The following CNTN4 variants were observed in gnomAD, a reference collection of about 807,000 sequenced individuals.
CNTN4 encodes contactin 4.
In CNTN4, 77 loss-of-function variants were observed where a neutral mutation model predicts 122.5. The observed-to-expected ratio is 0.63, with a 90% CI of 0.52 to 0.76. CNTN4 has a LOEUF of 0.76. Ranked by LOEUF, CNTN4 falls within the 30% of genes least tolerant of loss-of-function variation. The pLI, the probability that CNTN4 is intolerant of heterozygous loss-of-function variation, is 0.00. For synonymous variants in CNTN4, 512 were observed against 447.0 expected (o/e 1.15, Z -1.83); for missense variants, 1,256 against 1,259.1 (o/e 1.00, Z 0.04).
At chr3:2,538,836 C>T (rs975293348) in intron 3 of CNTN4, among the ~76,000 whole-genome samples, 4 of 151,848 alleles carry the variant, frequency 2.6e-5, no homozygotes, top group African/African-American at 9.6e-5. Context: ...TTCTAATATA[C>T]ATATATATGC....
rs187060114 is a variant in CNTN4, at chr3:2,747,907, T to C, written c.358+2210T>C. ...CTTTCTTAAAATTGAGCCAAATATC[T>C]CAATTTCTATCACATTCACTCCCAA... On this transcript the variant is annotated intron_variant, in intron 6 of 24. Transcript: ENST00000418658. Among the ~76,000 whole-genome samples, 210 of 152,102 alleles carry C rather than the reference T, an allele frequency of 1.4e-3. 1 individual carries two copies. The highest frequency in any genetic ancestry group is 4.9e-3 in the African/African-American group (202 of 41,352).
chr3:2,671,928 C>A (rs1407178696), intron 4 of CNTN4, among the ~76,000 whole-genome samples: 1 of 152,174 alleles, frequency 6.6e-6, no homozygotes, highest in East Asian at 1.9e-4. Flanking sequence ...TGCTGAACAG[C>A]AAATATTGCT....
At chr3:2,305,678 G>T (rs376320937) in intron 2 of CNTN4, among the ~76,000 whole-genome samples, 2 of 151,968 alleles carry the variant, frequency 1.3e-5, no homozygotes, top group Non-Finnish European at 2.9e-5. Flanking sequence ...TTTAAAGTAC[G>T]CAAGTCAGTG....
At chr3:2,816,508 A>G (rs2092734099) in intron 6 of CNTN4, among the ~76,000 whole-genome samples, 1 of 152,002 alleles carries the variant, frequency 6.6e-6, no homozygotes, top group Non-Finnish European at 1.5e-5. Context: ...GTGCACCAAA[A>G]TCTCACAAAT....
At chr3:2,370,145 A>G (rs1374258766) in intron 3 of CNTN4, among the ~76,000 whole-genome samples, 1 of 152,122 alleles carries the variant, frequency 6.6e-6, no homozygotes, top group Admixed American at 6.6e-5. Flanking sequence ...TAATACACAC[A>G]ACTGAATTCA....
Position 2,316,118 on chromosome 3 carries a change from A to G in CNTN4, c.-144-23060A>G, listed in dbSNP as rs565418648. The stretch of plus-strand genomic sequence containing the variant: ...ATGTGGGTCATCTTTTATGATGAAC[A>G]CAGGTTCTATTTTTATATCATAATC... On this transcript the variant is annotated intron_variant, in intron 2 of 24. Coordinates refer to ENST00000418658, the MANE Select transcript of CNTN4 (RefSeq NM_175607.3). Among the ~76,000 whole-genome samples, 14 of 152,238 alleles carry G rather than the reference A, an allele frequency of 9.2e-5. No individual in the cohort carries two copies. In the East Asian group the frequency reaches 2.5e-3, roughly 27 times the overall value.
intron 2 of CNTN4, among the ~76,000 whole-genome samples, chr3:2,253,495 A>G (rs994682593): frequency 2.8e-4 from 42 of 152,290 alleles, no homozygotes; most frequent in African/African-American, 9.9e-4. Context: ...TTATCCTTTT[A>G]TAAATTCAAC....
At chr3:2,601,515 G>A (rs1388611489) in intron 4 of CNTN4, among the ~76,000 whole-genome samples, 3 of 152,126 alleles carry the variant, frequency 2.0e-5, no homozygotes, top group Non-Finnish European at 4.4e-5. Context: ...GGTTATAGAT[G>A]TGTGGTATTA....
At chr3:2,467,620 A>G (rs538044365) in intron 3 of CNTN4, among the ~76,000 whole-genome samples, 92 of 152,348 alleles carry the variant, frequency 6.0e-4, no homozygotes, top group Non-Finnish European at 9.4e-4. Flanking sequence ...ATAAAACAAT[A>G]TATGTAAAGG....
chr3:2,258,778 T>C (rs1311529783), intron 2 of CNTN4, among the ~76,000 whole-genome samples: 1 of 152,132 alleles, frequency 6.6e-6, no homozygotes, highest in Non-Finnish European at 1.5e-5. Context: ...CTAACCTTTT[T>C]ATATTTTTTT....
chr3:2,749,959 GA>G (rs200598269), intron 6 of CNTN4, among the ~76,000 whole-genome samples: 9 of 150,734 alleles, frequency 6.0e-5, no homozygotes, highest in African/African-American at 1.5e-4. Flanking sequence ...CTCATTGAAG[GA>G]AAAAAAAATG....
intron 10 of CNTN4, among the ~76,000 whole-genome samples, chr3:2,889,262 G>A (rs1464159643): frequency 6.6e-6 from 1 of 152,162 alleles, no homozygotes; most frequent in Non-Finnish European, 1.5e-5. Flanking sequence ...CAGAGTTGTA[G>A]AAAGTATTAA....
At chr3:2,475,112 G>A (rs757859797) in intron 3 of CNTN4, among the ~76,000 whole-genome samples, 3 of 152,138 alleles carry the variant, frequency 2.0e-5, no homozygotes, top group African/African-American at 4.8e-5. Context: ...TCTTCATACT[G>A]TTGTAGGCAT....
chr3:2,919,949 G>A (rs1235172559), intron 12 of CNTN4, among the ~76,000 whole-genome samples: 1 of 151,894 alleles, frequency 6.6e-6, no homozygotes, highest in African/African-American at 2.4e-5. Flanking sequence ...CTATGTTTAT[G>A]TAACTGATTT....
intron 14 of CNTN4, among the ~76,000 whole-genome samples, chr3:2,997,451 T>A (rs976240049): frequency 1.3e-5 from 2 of 152,252 alleles, no homozygotes; most frequent in African/African-American, 4.8e-5. Context: ...AGGAGACGTG[T>A]CAGAATAATT....
intron 4 of CNTN4, among the ~76,000 whole-genome samples, chr3:2,678,854 A>G (rs60975479): frequency 0.13 from 19,830 of 152,140 alleles, 1,458 homozygotes; most frequent in Admixed American, 0.18. Flanking sequence ...CTTGCCCTAG[A>G]AAGTCAACAG....
intron 23 of CNTN4, 115 bp downstream of exon 23, chr3:3,043,819 C>G (rs1700375908): frequency 1.3e-6 from 1 of 746,870 alleles, no homozygotes; most frequent in South Asian, 1.5e-5. Flanking sequence ...CTCTCCTACC[C>G]TCTAGGAATC....
intron 10 of CNTN4, among the ~76,000 whole-genome samples, chr3:2,895,767 G>GC (rs1469302563): frequency 4.6e-5 from 7 of 152,250 alleles, no homozygotes; most frequent in Non-Finnish European, 1.0e-4. Flanking sequence ...GGGCGCAGTG[G>GC]CTCACGCCTG....
At position 2,385,226 on chromosome 3, in the gene CNTN4, C is replaced by A. The variant is rs1428656620; in HGVS notation, c.-89+45993C>A. Among the ~76,000 whole-genome samples the A allele has an allele frequency of 2.6e-5, 4 of 151,500 alleles. No homozygotes were observed. Among genetic ancestry groups the A allele is most frequent in the Admixed American group, 6.6e-5 (1 of 15,102 alleles). ...AATAATCTGTCTACTACTCAACTTT[C>A]TACTCAGTTTTTTATTTTTTATTTT... is the stretch of plus-strand genomic sequence containing the variant. On this transcript the variant is annotated intron_variant, in intron 3 of 24. Coordinates refer to ENST00000418658, the MANE Select transcript of CNTN4 (RefSeq NM_175607.3). The surrounding 1 kb of genome is among the most constrained non-coding windows in gnomAD (Gnocchi z 4.0).
Sources: allele counts gnomAD v4.1 joint callset (sites outside exome capture counted in the v4.1 genomes callset), GRCh38; gene constraint gnomAD v4.1.1; non-coding constraint Gnocchi (gnomAD v3.1); transcripts MANE v1.5; gene names NCBI Gene and HGNC (gene_info 2026-07-23, HGNC 2026-07-21).